HEMK2: variants seen among roughly 807,000 people sequenced by gnomAD.
HEMK2 encodes HemK methyltransferase 2, ETF1 glutamine and histone H4 lysine.
the HEMK2 span, among the ~76,000 whole-genome samples, chr21:28,847,660 T>C: frequency 2.0e-5 from 3 of 152,250 alleles, no homozygotes; most frequent in African/African-American, 7.2e-5. Context: ...TTTGTTGCAA[T>C]TGCTTTTGGC....
the HEMK2 span, among the ~76,000 whole-genome samples, chr21:28,602,405 A>T: frequency 6.6e-6 from 1 of 152,178 alleles, no homozygotes; most frequent in East Asian, 1.9e-4. Flanking sequence ...TTTAATAAAT[A>T]AATAAATAAC....
chr21:28,791,886 T>A, the HEMK2 span, among the ~76,000 whole-genome samples: 110 of 152,106 alleles, frequency 7.2e-4, no homozygotes, highest in African/African-American at 2.6e-3. Flanking sequence ...TTGGCAGGAC[T>A]GTTATCACAA....
chr21:28,700,715 G>A, the HEMK2 span, among the ~76,000 whole-genome samples: 1 of 152,246 alleles, frequency 6.6e-6, no homozygotes, highest in Non-Finnish European at 1.5e-5. Context: ...TCTACCAGAT[G>A]CATAAAGAGC....
the HEMK2 span, among the ~76,000 whole-genome samples, chr21:28,867,943 A>T: frequency 6.6e-6 from 1 of 152,114 alleles, no homozygotes; most frequent in Admixed American, 6.5e-5. Context: ...TTACAACTTA[A>T]TCAATTTTAG....
chr21:28,723,397 G>C, the HEMK2 span, among the ~76,000 whole-genome samples: 1 of 152,170 alleles, frequency 6.6e-6, no homozygotes, highest in Non-Finnish European at 1.5e-5. Context: ...CTGCTACACA[G>C]GGAAGCCTGG....
chr21:28,666,535 T>C, the HEMK2 span, among the ~76,000 whole-genome samples: 2 of 152,130 alleles, frequency 1.3e-5, no homozygotes, highest in African/African-American at 4.8e-5. Flanking sequence ...TCAAACTAGT[T>C]TCACACCATG....
the HEMK2 span, among the ~76,000 whole-genome samples, chr21:28,835,044 G>A: frequency 6.6e-6 from 1 of 152,038 alleles, no homozygotes; most frequent in East Asian, 1.9e-4. Context: ...CCCACCTGAT[G>A]GTCCTTCCCT....
the HEMK2 span, among the ~76,000 whole-genome samples, chr21:28,692,863 A>T: frequency 6.6e-6 from 1 of 152,172 alleles, no homozygotes; most frequent in Non-Finnish European, 1.5e-5. Flanking sequence ...TGAACTTTGA[A>T]AACATTATAC....
chr21:28,838,984 TATATATATATATATATACATATATATAC>T, the HEMK2 span, among the ~76,000 whole-genome samples: 1 of 61,544 alleles, frequency 1.6e-5, no homozygotes, highest in East Asian at 6.6e-4. Flanking sequence ...TATATATATA[TATATATATATATATATACATATATATAC>T]ACAATCTGCC....
At chr21:28,880,436 T>A in the HEMK2 span, among the ~76,000 whole-genome samples, 2 of 152,132 alleles carry the variant, frequency 1.3e-5, no homozygotes, top group South Asian at 4.1e-4. Context: ...ATGGAAACAT[T>A]AAAGAAATTT....
the HEMK2 span, among the ~76,000 whole-genome samples, chr21:28,748,762 A>G: frequency 3.3e-5 from 5 of 152,286 alleles, no homozygotes; most frequent in South Asian, 1.0e-3. Flanking sequence ...TGTCAGAGAG[A>G]GATTACAAAG....
chr21:28,666,961 G>T, the HEMK2 span, among the ~76,000 whole-genome samples: 1 of 152,108 alleles, frequency 6.6e-6, no homozygotes, highest in Non-Finnish European at 1.5e-5. Context: ...AAGTCATGAG[G>T]TATGGAGCCC....
At chr21:28,766,817 G>C in the HEMK2 span, among the ~76,000 whole-genome samples, 20 of 152,064 alleles carry the variant, frequency 1.3e-4, no homozygotes, top group African/African-American at 4.8e-4. Context: ...AAAGGCATAA[G>C]AACAATATAA....
chr21:28,874,931 C>T, the HEMK2 span: 2 of 152,278 alleles, frequency 1.3e-5, no homozygotes. Context: ...GAGGATTTCC[C>T]TTCACCACTG....
chr21:28,851,741 T>C, the HEMK2 span, among the ~76,000 whole-genome samples: 1 of 152,160 alleles, frequency 6.6e-6, no homozygotes, highest in Non-Finnish European at 1.5e-5. Context: ...CAGTGTTATA[T>C]CTTATGGAAG....
At chr21:28,873,497 T>A in the HEMK2 span, 1 of 152,248 alleles carries the variant, frequency 6.6e-6, no homozygotes, top group African/African-American at 2.4e-5. Flanking sequence ...AAGCACTTCA[T>A]CTGGTCATGG....
the HEMK2 span, among the ~76,000 whole-genome samples, chr21:28,796,731 A>G: frequency 6.6e-6 from 1 of 151,722 alleles, no homozygotes; most frequent in Non-Finnish European, 1.5e-5. Context: ...TACTCAGCTA[A>G]TTTTTATTAA....
the HEMK2 span, among the ~76,000 whole-genome samples, chr21:28,843,317 C>A: frequency 6.6e-6 from 1 of 152,100 alleles, no homozygotes; most frequent in South Asian, 2.1e-4. Flanking sequence ...ATGGCAAAGG[C>A]GAAGGGGAAG....
At chr21:28,770,762 C>G in the HEMK2 span, among the ~76,000 whole-genome samples, 1 of 152,094 alleles carries the variant, frequency 6.6e-6, no homozygotes, top group Non-Finnish European at 1.5e-5. Context: ...CCTTGACTTT[C>G]TAGCCTCCAG....
Sources: gnomAD v4.1 joint callset for allele counts (sites outside exome capture counted in the v4.1 genomes callset) on GRCh38, gnomAD v4.1.1 for gene constraint, MANE v1.5 for transcripts, NCBI Gene and HGNC (gene_info 2026-07-23, HGNC 2026-07-21) for gene names.